SPOCK1: variants seen among roughly 807,000 people sequenced by gnomAD.
SPOCK1 encodes the protein SPARC (osteonectin), cwcv and kazal like domains proteoglycan 1.
SPOCK1 carries 23 observed loss-of-function variants against 55.3 expected under a neutral mutation model. The ratio of observed to expected loss-of-function variants is 0.42; its 90% CI spans 0.30 to 0.59. The LOEUF is 0.59. Ranked by LOEUF, SPOCK1 falls within the 20% of genes least tolerant of loss-of-function variation. SPOCK1 has a pLI of 0.22. For synonymous variants in SPOCK1, 226 were observed against 221.0 expected, an observed-to-expected ratio of 1.02 and a Z score of -0.20; for missense variants, 499 against 552.5, an observed-to-expected ratio of 0.90 and a Z score of 0.97.
At chr5:137,159,065 G>A (rs1241169444) in intron 3 of SPOCK1, among the ~76,000 whole-genome samples, 1 of 152,150 alleles carries the variant, frequency 6.6e-6, no homozygotes. Context: ...GACCAAATCA[G>A]CTATGGCCCA....
chr5:137,229,985 G>A (rs1184712487), intron 3 of SPOCK1, among the ~76,000 whole-genome samples: 6 of 152,244 alleles, frequency 3.9e-5, no homozygotes, highest in Admixed American at 3.9e-4. Context: ...GTAGAGTAGT[G>A]ACAATGAAGG....
intron 6 of SPOCK1, among the ~76,000 whole-genome samples, chr5:137,024,774 G>A (rs1379741202): frequency 1.3e-5 from 2 of 152,050 alleles, no homozygotes; most frequent in South Asian, 2.1e-4. Context: ...TTATCCAAAG[G>A]AACAGAAATC....
At chr5:137,252,023 T>C (rs1373419689) in intron 3 of SPOCK1, among the ~76,000 whole-genome samples, 1 of 152,150 alleles carries the variant, frequency 6.6e-6, no homozygotes, top group Non-Finnish European at 1.5e-5. Context: ...CCTCCCAGGT[T>C]CAAGCAATTC....
chr5:137,130,409 A>G (rs1215573979), intron 4 of SPOCK1, among the ~76,000 whole-genome samples: 2 of 152,212 alleles, frequency 1.3e-5, no homozygotes, highest in African/African-American at 4.8e-5. Context: ...AATTATCACA[A>G]ACTCCAACTT....
intron 2 of SPOCK1, among the ~76,000 whole-genome samples, chr5:137,412,017 T>C (rs1459953356): frequency 6.6e-6 from 1 of 152,190 alleles, no homozygotes; most frequent in Non-Finnish European, 1.5e-5. Context: ...TCTAGGACTC[T>C]GATGCAGAGC....
chr5:137,270,469 T>C (rs1219074412), intron 2 of SPOCK1, among the ~76,000 whole-genome samples: 3 of 152,204 alleles, frequency 2.0e-5, no homozygotes, highest in Non-Finnish European at 1.5e-5. Flanking sequence ...AAGAATATAA[T>C]TATGTCAGGC....
intron 3 of SPOCK1, among the ~76,000 whole-genome samples, chr5:137,226,847 T>C (rs189111082): frequency 6.6e-6 from 1 of 152,350 alleles, no homozygotes; most frequent in East Asian, 1.9e-4. Context: ...AGTAATCATG[T>C]TGCTGATAAT....
chr5:137,476,883 G>A (rs1753847851), intron 2 of SPOCK1, among the ~76,000 whole-genome samples: 1 of 151,874 alleles, frequency 6.6e-6, no homozygotes, highest in Non-Finnish European at 1.5e-5. Flanking sequence ...TGGGATTGTG[G>A]CACTGCACTC....
intron 2 of SPOCK1, among the ~76,000 whole-genome samples, chr5:137,358,447 A>AGGGAG (rs1265958654): frequency 2.6e-5 from 1 of 38,674 alleles, no homozygotes. Flanking sequence ...GGAGGGAGGG[A>AGGGAG]GGGAGGGAAG....
At chr5:137,435,159 C>G (rs1752833091) in intron 2 of SPOCK1, among the ~76,000 whole-genome samples, 1 of 152,172 alleles carries the variant, frequency 6.6e-6, no homozygotes, top group Non-Finnish European at 1.5e-5. Context: ...TTTAAGTAAC[C>G]TCTCATTGCT....
At chr5:137,156,593 G>A (rs11744879) in intron 3 of SPOCK1, among the ~76,000 whole-genome samples, 27,130 of 152,096 alleles carry the variant, frequency 0.18, 3,255 homozygotes, top group East Asian at 0.38. Context: ...CATTTGGGGT[G>A]GTGAATATAC....
intron 2 of SPOCK1, among the ~76,000 whole-genome samples, chr5:137,275,775 C>T (rs919653293): frequency 6.6e-6 from 1 of 152,220 alleles, no homozygotes; most frequent in Admixed American, 6.5e-5. Context: ...GCACCTCTGT[C>T]CACCTGCTGC....
intron 3 of SPOCK1, among the ~76,000 whole-genome samples, chr5:137,253,891 G>A (rs1756586976): frequency 6.6e-6 from 1 of 152,206 alleles, no homozygotes; most frequent in African/African-American, 2.4e-5. Flanking sequence ...CTTATGTTGA[G>A]GCTGCCCCCA....
chr5:137,376,783 T>TTC (rs1292183106), intron 2 of SPOCK1, among the ~76,000 whole-genome samples: 125 of 152,262 alleles, frequency 8.2e-4, no homozygotes, highest in African/African-American at 2.9e-3. Context: ...TCTCCAACCT[T>TTC]TGTCTATATA....
At chr5:137,074,277 G>A (rs1455213990) in intron 5 of SPOCK1, among the ~76,000 whole-genome samples, 1 of 152,136 alleles carries the variant, frequency 6.6e-6, no homozygotes, top group African/African-American at 2.4e-5. Context: ...ACAAACATTT[G>A]GGGAAGAATT....
intron 5 of SPOCK1, among the ~76,000 whole-genome samples, chr5:137,101,769 G>T (rs1296692077): frequency 6.6e-6 from 1 of 152,148 alleles, no homozygotes; most frequent in Non-Finnish European, 1.5e-5. Flanking sequence ...TGTTATCTTG[G>T]CATGTTCTAA....
chr5:137,220,002 C>T (rs1755814297), intron 3 of SPOCK1, among the ~76,000 whole-genome samples: 1 of 152,182 alleles, frequency 6.6e-6, no homozygotes, highest in Admixed American at 6.5e-5. Flanking sequence ...TCCAGTACTC[C>T]ATCTGCCCCA....
intron 3 of SPOCK1, among the ~76,000 whole-genome samples, chr5:137,229,956 T>G (rs1031253592): frequency 6.6e-6 from 1 of 151,978 alleles, no homozygotes; most frequent in African/African-American, 2.4e-5. Context: ...GTGCAGCCCA[T>G]GGGTAGGGGA....
chr5:137,109,312 G>T (rs1753422652), intron 5 of SPOCK1, among the ~76,000 whole-genome samples: 2 of 152,236 alleles, frequency 1.3e-5, no homozygotes, highest in African/African-American at 2.4e-5. Context: ...GTTCAGCTAA[G>T]CAGCTTGGCC....
Sources: allele counts gnomAD v4.1 joint callset (sites outside exome capture counted in the v4.1 genomes callset), GRCh38; gene constraint gnomAD v4.1.1; transcripts MANE v1.5; gene names NCBI Gene and HGNC (gene_info 2026-07-23, HGNC 2026-07-21).